COL6A5: variants seen among roughly 807,000 people sequenced by gnomAD.
COL6A5 encodes collagen type VI alpha 5 chain.
Under a neutral mutation model 65.6 loss-of-function variants are expected in COL6A5, and 48 were observed. That is an observed-to-expected ratio of 0.73 (90% CI 0.58 to 0.93). The LOEUF (loss-of-function observed/expected upper bound fraction) is 0.93. COL6A5 is among the 40% of genes least tolerant of loss of function. The probability of loss-of-function intolerance (pLI) is 0.00; values close to 1 mark genes in which losing one functional copy is unlikely to be tolerated. For synonymous variants in COL6A5, 291 were observed against 322.8 expected, an observed-to-expected ratio of 0.90 and a Z score of 1.05; for missense variants, 914 against 928.3, an observed-to-expected ratio of 0.98 and a Z score of 0.20.
intron 5 of COL6A5, among the ~76,000 whole-genome samples, chr3:130,462,456 G>A (rs1336211107): frequency 6.6e-6 from 1 of 152,122 alleles, no homozygotes; most frequent in African/African-American, 2.4e-5. Context: ...GTCATGGGAA[G>A]GATTTTCAGA....
At chr3:130,414,047 A>T in intron 21 of COL6A5, 22 bp from the exon 22 acceptor site, 1 of 1,478,228 alleles carries the variant, frequency 6.8e-7, no homozygotes. Context: ...AATGCTTGAC[A>T]CTGGAAACTC....
Position 130,471,058 on chromosome 3 carries a change from ATCC to A in COL6A5, c.2328+92_2328+94del, listed in dbSNP as rs1709938994. ...AATGAATAGCATTTTAGTTTTCAAG[ATCC>A]AAGTGTGTGTTTTTGTGTGTGTGTG... On this transcript the variant is annotated intron_variant, in intron 7 of 7. Coordinates refer to ENST00000512836, the Ensembl canonical transcript of COL6A5. The A allele has an allele frequency of 4.3e-6, 4 of 919,742 alleles. No individual in the cohort carries two copies. The South Asian group carries it at 5.8e-5, about 13-fold the overall frequency. The allele number at this position is 919,742 out of a possible 1,614,324, so 57.0% of individuals were successfully genotyped here. A position where few individuals can be genotyped will look rare whatever the true frequency, so the allele number is the denominator to read the frequency against.
intron 7 of COL6A5, chr3:130,477,105 T>C (rs1230739775): frequency 2.0e-6 from 3 of 1,496,784 alleles, no homozygotes; most frequent in East Asian, 4.9e-5. Flanking sequence ...TCCAATACTT[T>C]CGTCATAGTG....
At chr3:130,469,548 C>G in intron 6 of COL6A5, 67 bp downstream of exon 38, 1 of 1,256,180 alleles carries the variant, frequency 8.0e-7, no homozygotes, top group Non-Finnish European at 1.1e-6. Context: ...AGTCCATCAG[C>G]AGACTTAGTA....
chr3:130,452,681 C>T lies in COL6A5; in HGVS notation c.1333-2774C>T, dbSNP rs377669270. ...TTGCTAATGAAGTTTCGGGCACCAT[C>T]GTCATTGATAACATCTTATCAGGAG... On this transcript the variant is annotated intron_variant, in intron 4 of 7. Coordinates refer to ENST00000512836, the Ensembl canonical transcript of COL6A5. 1.6e-4 allele frequency among the ~76,000 whole-genome samples: 24 copies of T among 152,238 alleles called. No homozygotes were observed. The East Asian group carries it at 1.9e-3, about 12-fold the overall frequency.
At chr3:130,430,412 G>C (rs772790144), upstream of COL6A5, among the ~76,000 whole-genome samples, 123 of 152,224 alleles carry the variant, frequency 8.1e-4, 1 homozygote, top group Non-Finnish European at 1.5e-3. Context: ...AAGAACAGTG[G>C]TTGGGATATG....
intron 12 of COL6A5, 40 bp from the exon 13 acceptor site, chr3:130,403,565 TGGGG>T: frequency 2.8e-6 from 4 of 1,444,376 alleles, no homozygotes; most frequent in Non-Finnish European, 3.8e-6. Flanking sequence ...TTGACTTTAT[TGGGG>T]GGGGGTGACT....
intron 7 of COL6A5, among the ~76,000 whole-genome samples, chr3:130,478,008 G>T (rs1322328506): frequency 5.3e-5 from 8 of 152,060 alleles, no homozygotes; most frequent in Non-Finnish European, 7.4e-5. Flanking sequence ...AGTTGAAAGA[G>T]TTAATCCTGG....
chr3:130,385,340 G>C, exon 5 of COL6A5: 1 of 1,549,992 alleles, frequency 6.5e-7, no homozygotes, highest in Non-Finnish European at 8.7e-7. Context: ...AAATGAAGTC[G>C]TTCGTGAAAT....
intron 28 of COL6A5, among the ~76,000 whole-genome samples, 182 bp from the exon 29 acceptor site, chr3:130,423,656 G>C (rs1937553106): frequency 6.6e-6 from 1 of 152,136 alleles, no homozygotes; most frequent in Non-Finnish European, 1.5e-5. Context: ...GAGGGAAATG[G>C]ATGTTTAGCT....
At position 130,383,040 on chromosome 3, in the gene COL6A5, A is replaced by G. The variant is rs376041036; in HGVS notation, c.1301-1764A>G. On this transcript the variant is annotated intron_variant and NMD_transcript_variant, in intron 4 of 41. Transcript: ENST00000312481. ...CAATTGAAATGTTTAGTAGCATCCA[A>G]TTGGGCAGATGTTTCTACTTTAAAA... 9.9e-5 allele frequency among the ~76,000 whole-genome samples: 15 copies of G among 152,184 alleles called. No individual in the cohort carries two copies. The South Asian group carries it at 2.9e-3, about 29-fold the overall frequency.
Position 130,470,859 on chromosome 3 carries a change from C to A in COL6A5, c.2232-12C>A, listed in dbSNP as rs748256001. ...GGTAAAATTTAGACTAACCAGCCCA[C>A]TCTCTCTCCAGGTGCCATCAACAAA... On this transcript the variant is annotated splice_polypyrimidine_tract_variant and intron_variant, in intron 6 of 7. Coordinates refer to ENST00000512836, the Ensembl canonical transcript of COL6A5. The A allele has an allele frequency of 3.3e-5, 53 of 1,598,700 alleles. No homozygotes were observed. The highest frequency in any genetic ancestry group is 3.0e-4 in the Admixed American group (18 of 59,590).
intron 1 of COL6A5, among the ~76,000 whole-genome samples, chr3:130,346,922 C>CTA (rs1391022285): frequency 6.6e-6 from 1 of 152,062 alleles, no homozygotes; most frequent in African/African-American, 2.4e-5. Context: ...GTTTACAGTG[C>CTA]TACAATTTAC....
At chr3:130,363,191 T>A (rs1017074072) in intron 1 of COL6A5, among the ~76,000 whole-genome samples, 3 of 152,210 alleles carry the variant, frequency 2.0e-5, no homozygotes, top group Non-Finnish European at 2.9e-5. Flanking sequence ...TCTTTAGTGG[T>A]TGCTCTAGAG....
At chr3:130,357,896 T>G (rs973653080) in intron 1 of COL6A5, among the ~76,000 whole-genome samples, 2 of 152,074 alleles carry the variant, frequency 1.3e-5, no homozygotes, top group African/African-American at 2.4e-5. Flanking sequence ...ACTTAAAATA[T>G]TACTATTAAC....
intron 5 of COL6A5, among the ~76,000 whole-genome samples, chr3:130,456,007 G>A (rs1208666436): frequency 6.6e-6 from 1 of 151,992 alleles, no homozygotes; most frequent in African/African-American, 2.4e-5. Context: ...TTTTTTTTGG[G>A]GGGAGGAATG....
At chr3:130,455,753 G>C (rs1709558260) in intron 5 of COL6A5, 87 bp downstream of exon 37, 1 of 1,110,552 alleles carries the variant, frequency 9.0e-7, no homozygotes, top group Non-Finnish European at 1.3e-6. Flanking sequence ...ATAAATTAAG[G>C]CTGGTATCTA....
chr3:130,390,715 C>T (rs1936366683), intron 6 of COL6A5, among the ~76,000 whole-genome samples: 1 of 152,166 alleles, frequency 6.6e-6, no homozygotes, highest in African/African-American at 2.4e-5. Flanking sequence ...CCAAAGATAC[C>T]TGGAGCCAGA....
intron 1 of COL6A5, among the ~76,000 whole-genome samples, chr3:130,347,814 C>T (rs1934549776): frequency 6.6e-6 from 1 of 152,114 alleles, no homozygotes; most frequent in African/African-American, 2.4e-5. Context: ...TGATGATGCC[C>T]CTGTCAATCT....
Sources: gnomAD v4.1 joint callset for allele counts (sites outside exome capture counted in the v4.1 genomes callset) on GRCh38, gnomAD v4.1.1 for gene constraint, MANE v1.5 for transcripts, NCBI Gene and HGNC (gene_info 2026-07-23, HGNC 2026-07-21) for gene names.